The following PPP2R3B variants were observed in gnomAD, a reference collection of about 807,000 sequenced individuals.
The protein encoded by PPP2R3B is serine/threonine-protein phosphatase 2A regulatory subunit B'' subunit beta.
PPP2R3B carries 68 observed loss-of-function variants against 72.9 expected under a neutral mutation model. The observed-to-expected ratio is 0.93, with a 90% CI of 0.77 to 1.14. The LOEUF is 1.14. Among genes scored for constraint, PPP2R3B ranks in the 50% most tolerant of loss-of-function variants. The pLI is 0.00. For missense variants in PPP2R3B, 1,018 were observed against 842.0 expected (o/e 1.21, Z -2.59); for synonymous variants, 466 against 375.8 (o/e 1.24, Z -2.78).
Position 386,350 on chromosome X carries a change from G to A in PPP2R3B, c.324+18C>T, listed in dbSNP as rs1481804341. On this transcript the variant is annotated intron_variant, in intron 1 of 12. Transcript: ENST00000390665. ...AGAGCCACCTGCGCAGTTGTTAGCAGAAGGAAGAGTAACTTACTACTCTCG... is the reference window on the plus strand; with the variant it reads ...AGAGCCACCTGCGCAGTTGTTAGCAAAAGGAAGAGTAACTTACTACTCTCG... 7 of 1,309,176 alleles carry A rather than the reference G, an allele frequency of 5.3e-6. No homozygotes were observed. The Admixed American group carries it at 1.2e-4, about 23-fold the overall frequency. 81.1% of individuals were successfully genotyped at this position (1,309,176 alleles called of 1,614,324 possible).
chrX:355,582 A>G (rs1157665367), intron 2 of PPP2R3B, among the ~76,000 whole-genome samples: 3 of 152,174 alleles, frequency 2.0e-5, no homozygotes, highest in Non-Finnish European at 4.4e-5. Context: ...GCACGCGCAC[A>G]CGGAACACCA....
intron 2 of PPP2R3B, among the ~76,000 whole-genome samples, chrX:352,564 G>C (rs1017108780): frequency 6.6e-6 from 1 of 150,414 alleles, no homozygotes; most frequent in African/African-American, 2.5e-5. Context: ...TGGATCGTCT[G>C]CCTGTGTACT....
intron 11 of PPP2R3B, 33 bp downstream of exon 11, chrX:338,745 G>C (rs765850231): frequency 4.5e-5 from 73 of 1,611,520 alleles, no homozygotes; most frequent in Non-Finnish European, 5.6e-5. Flanking sequence ...ACACGGCGTG[G>C]CGCGGCCCGG....
chrX:384,995 A>AAAAAAAAAAAAAAT, intron 1 of PPP2R3B, among the ~76,000 whole-genome samples: 1 of 151,222 alleles, frequency 6.6e-6, no homozygotes, highest in Non-Finnish European at 1.5e-5. Flanking sequence ...AAAAAAAAAA[A>AAAAAAAAAAAAAAT]AAAAAAAAAA....
intron 3 of PPP2R3B, 53 bp downstream of exon 3, chrX:347,537 C>G: frequency 6.6e-7 from 1 of 1,525,274 alleles, no homozygotes; most frequent in Non-Finnish European, 8.9e-7. Context: ...CCACGGGGAC[C>G]CGGGGACGCC....
intron 2 of PPP2R3B, among the ~76,000 whole-genome samples, chrX:353,578 C>A (rs186655720): frequency 6.6e-6 from 1 of 152,230 alleles, no homozygotes; most frequent in African/African-American, 2.4e-5. Context: ...AGCAACTCTC[C>A]GAGGCCAGCA....
At chrX:358,265 G>A (rs1173547878) in intron 2 of PPP2R3B, among the ~76,000 whole-genome samples, 3 of 152,216 alleles carry the variant, frequency 2.0e-5, no homozygotes, top group African/African-American at 4.8e-5. Flanking sequence ...AGCCTTGGCG[G>A]GGAAGCTGAA....
chrX:376,496 G>C (rs1328558798), intron 1 of PPP2R3B, among the ~76,000 whole-genome samples: 1 of 151,666 alleles, frequency 6.6e-6, no homozygotes, highest in Non-Finnish European at 1.5e-5. Flanking sequence ...GGCCGCCATG[G>C]GGCTGTCTAT....
chrX:346,090 A>G (rs868601466), intron 6 of PPP2R3B, 84 bp downstream of exon 6: 20 of 549,372 alleles, frequency 3.6e-5, no homozygotes, highest in Non-Finnish European at 5.0e-5. Context: ...GGGAGGAGGG[A>G]GGGGGGAGGA....
rs143697786 is a variant in PPP2R3B, at chrX:350,284, C to T, written c.511-2591G>A. ...CGAAGGGTGAAAGGCCAAACAGCGG[C>T]CCCTCCTGGAAGGAAACGAGGGACG... On this transcript the variant is annotated intron_variant, in intron 2 of 12. Coordinates refer to ENST00000390665, the MANE Select transcript of PPP2R3B (RefSeq NM_013239.5). 5.1e-3 allele frequency among the ~76,000 whole-genome samples: 774 copies of T among 152,268 alleles called. 8 individuals are homozygous for T. Among genetic ancestry groups the T allele is most frequent in the African/African-American group, 0.017 (696 of 41,570 alleles).
At chrX:339,080 CGTG>C (rs1265433406) in intron 10 of PPP2R3B, among the ~76,000 whole-genome samples, 184 bp from the exon 11 acceptor site, 1 of 152,034 alleles carries the variant, frequency 6.6e-6, no homozygotes, top group African/African-American at 2.4e-5. Context: ...GGGACTGAGG[CGTG>C]GGAGGCCGTG....
intron 5 of PPP2R3B, 106 bp from the exon 6 acceptor site, chrX:346,366 A>T (rs1179140863): frequency 2.6e-6 from 3 of 1,139,622 alleles, no homozygotes; most frequent in East Asian, 2.6e-5. Context: ...TCTCAGCCGC[A>T]CGGGGCCGCC....
intron 1 of PPP2R3B, among the ~76,000 whole-genome samples, chrX:364,111 C>T (rs5987289): frequency 6.6e-6 from 1 of 152,250 alleles, no homozygotes; most frequent in Non-Finnish European, 1.5e-5. Context: ...CACCCGAAAT[C>T]TCTCACAGCC....
chrX:348,198 G>A (rs1176874088), intron 2 of PPP2R3B, among the ~76,000 whole-genome samples: 1 of 152,040 alleles, frequency 6.6e-6, no homozygotes, highest in Non-Finnish European at 1.5e-5. Flanking sequence ...ACAAATACAT[G>A]GCAGAGATGG....
chrX:363,939 A>G (rs1480040757), intron 1 of PPP2R3B, among the ~76,000 whole-genome samples: 1 of 152,254 alleles, frequency 6.6e-6, no homozygotes, highest in Non-Finnish European at 1.5e-5. Flanking sequence ...GAAAACTGCC[A>G]AGAACCCTGG....
chrX:351,125 G>A (rs767346677), intron 2 of PPP2R3B, among the ~76,000 whole-genome samples: 144 of 152,270 alleles, frequency 9.5e-4, no homozygotes, highest in Non-Finnish European at 1.6e-3. Context: ...GAAGGCAGCC[G>A]TGTGCGGCTG....
chrX:342,028 A>C, intron 7 of PPP2R3B, 97 bp from the exon 8 acceptor site: 1 of 1,470,324 alleles, frequency 6.8e-7, no homozygotes, highest in Non-Finnish European at 9.5e-7. Flanking sequence ...GGGACCGAAA[A>C]GCTGAGAGGA....
intron 10 of PPP2R3B, among the ~76,000 whole-genome samples, chrX:339,277 G>GGT (rs1556105764): frequency 1.3e-3 from 190 of 149,736 alleles, no homozygotes; most frequent in African/African-American, 4.4e-3. Flanking sequence ...ATGGCCGGGG[G>GGT]GGGCAGGGCT....
At chrX:338,304 C>T (rs778354457) in intron 12 of PPP2R3B, 50 of 548,984 alleles carry the variant, frequency 9.1e-5, no homozygotes, top group Middle Eastern at 5.0e-4. Flanking sequence ...ACGTCGTTGG[C>T]GAAACACGAC....
Sources: allele counts gnomAD v4.1 joint callset (sites outside exome capture counted in the v4.1 genomes callset), GRCh38; gene constraint gnomAD v4.1.1; transcripts MANE v1.5; gene names NCBI Gene and HGNC (gene_info 2026-07-23, HGNC 2026-07-21).